The following MAST4 variants were observed in gnomAD, a reference collection of about 807,000 sequenced individuals.
MAST4 encodes microtubule associated serine/threonine kinase family member 4.
A neutral mutation model predicts 162.7 loss-of-function variants in MAST4; 89 were observed. The ratio of observed to expected loss-of-function variants is 0.55; its 90% CI spans 0.46 to 0.65. MAST4 has a LOEUF of 0.65. MAST4 is among the 30% of genes least tolerant of loss of function. The pLI is 0.00. For synonymous variants in MAST4, 1,479 were observed against 1,361.1 expected (o/e 1.09, Z -1.91); for missense variants, 3,153 against 3,374.0 (o/e 0.93, Z 1.62).
chr5:66,750,504 G>A (rs1227657344), intron 1 of MAST4, among the ~76,000 whole-genome samples: 1 of 152,228 alleles, frequency 6.6e-6, no homozygotes, highest in African/African-American at 2.4e-5. Flanking sequence ...GGGTCAGGGA[G>A]TTCCCTTTCT....
rs1029660453 is a variant in MAST4 at position 66,837,773 on chromosome 5, T to A, written c.642+48979T>A. ...CTCCCAGATCATCAAACCTACAACTTCTCAATATCCAAATGTAAGGTTTGA... is the reference window on the plus strand; with the variant it reads ...CTCCCAGATCATCAAACCTACAACTACTCAATATCCAAATGTAAGGTTTGA... On this transcript the variant is annotated intron_variant, in intron 3 of 28. Transcript: ENST00000403625. 4.0e-5 allele frequency among the ~76,000 whole-genome samples: 6 copies of A among 150,436 alleles called. No individual in the cohort carries two copies. The East Asian group carries it at 1.2e-3, about 29-fold the overall frequency.
chr5:67,038,705 A>G (rs755833098), intron 4 of MAST4, among the ~76,000 whole-genome samples: 1 of 152,204 alleles, frequency 6.6e-6, no homozygotes, highest in East Asian at 1.9e-4. Flanking sequence ...ACACATTTAG[A>G]TACAAAAATA....
intron 26 of MAST4, among the ~76,000 whole-genome samples, chr5:67,158,959 G>A (rs1772869800): frequency 6.6e-6 from 1 of 152,162 alleles, no homozygotes; most frequent in African/African-American, 2.4e-5. Context: ...ACTTGAACCT[G>A]GGAGGTAGAG....
intron 4 of MAST4, among the ~76,000 whole-genome samples, chr5:67,013,882 G>A (rs534616021): frequency 6.6e-6 from 1 of 152,172 alleles, no homozygotes; most frequent in Non-Finnish European, 1.5e-5. Flanking sequence ...CTTTGTTACT[G>A]TAAAACAATA....
intron 3 of MAST4, among the ~76,000 whole-genome samples, chr5:66,845,218 A>G (rs995234135): frequency 2.1e-5 from 3 of 145,506 alleles, no homozygotes; most frequent in Non-Finnish European, 3.0e-5. Flanking sequence ...TGCTGCACCC[A>G]TTAACTCGTC....
intron 3 of MAST4, among the ~76,000 whole-genome samples, chr5:66,834,655 G>T (rs1757836879): frequency 1.3e-5 from 2 of 152,278 alleles, no homozygotes; most frequent in South Asian, 2.1e-4. Flanking sequence ...CATCACTGGG[G>T]CCTGAACAGT....
intron 4 of MAST4, among the ~76,000 whole-genome samples, chr5:66,971,218 G>T (rs537534565): frequency 9.7e-4 from 148 of 152,278 alleles, no homozygotes; most frequent in Non-Finnish European, 1.7e-3. Flanking sequence ...GGTATAAGGA[G>T]CATGTTTTGA....
chr5:66,626,853 A>G (rs1744463512), intron 1 of MAST4, among the ~76,000 whole-genome samples: 1 of 152,158 alleles, frequency 6.6e-6, no homozygotes, highest in African/African-American at 2.4e-5. Context: ...AGGGACACCT[A>G]AGCGAGGGAT....
At chr5:66,628,574 A>G (rs995106790) in intron 1 of MAST4, among the ~76,000 whole-genome samples, 1 of 152,008 alleles carries the variant, frequency 6.6e-6, no homozygotes, top group African/African-American at 2.4e-5. Flanking sequence ...GCAAAGGAAA[A>G]ATTATTATTA....
At chr5:66,963,665 A>C (rs1349104489) in intron 4 of MAST4, 1 of 778,968 alleles carries the variant, frequency 1.3e-6, no homozygotes, top group Non-Finnish European at 2.4e-6. Flanking sequence ...TTTTTACTGC[A>C]ATCAATTCTC....
chr5:66,623,206 A>G (rs1744189631), intron 1 of MAST4: 1 of 152,244 alleles, frequency 6.6e-6, no homozygotes, highest in Admixed American at 6.5e-5. Context: ...TGGCCTTATA[A>G]GAACCATGGT....
At chr5:67,023,827 T>G (rs1385055438) in intron 4 of MAST4, among the ~76,000 whole-genome samples, 2 of 145,564 alleles carry the variant, frequency 1.4e-5, no homozygotes, top group African/African-American at 5.6e-5. Flanking sequence ...AGTACTCAGG[T>G]TTTTTTTTAA....
At chr5:66,639,278 T>TTGTGTGTGTGTGTGTGTGTGTGTGTG (rs70987132) in intron 1 of MAST4, among the ~76,000 whole-genome samples, 2 of 138,622 alleles carry the variant, frequency 1.4e-5, no homozygotes, top group African/African-American at 5.5e-5. Flanking sequence ...GAGAGGCAGC[T>TTGTGTGTGTGTGTGTGTGTGTGTGTG]TGTGTGTGTG....
At chr5:66,600,559 T>C (rs1314279059) in intron 1 of MAST4, among the ~76,000 whole-genome samples, 1 of 152,220 alleles carries the variant, frequency 6.6e-6, no homozygotes, top group Non-Finnish European at 1.5e-5. Flanking sequence ...TCAGTAAATA[T>C]ATGTTGAATG....
intron 5 of MAST4, among the ~76,000 whole-genome samples, chr5:67,086,705 A>G (rs750362997): frequency 2.6e-5 from 4 of 152,216 alleles, no homozygotes; most frequent in Non-Finnish European, 5.9e-5. Context: ...ATTAACTGGC[A>G]CCAGTTTTCA....
chr5:67,084,594 T>C (rs1763039577), intron 5 of MAST4, among the ~76,000 whole-genome samples: 1 of 152,206 alleles, frequency 6.6e-6, no homozygotes, highest in Non-Finnish European at 1.5e-5. Context: ...TTTGTGTATC[T>C]AGATATATAA....
At chr5:66,812,103 G>C (rs1756507305) in intron 3 of MAST4, among the ~76,000 whole-genome samples, 1 of 152,286 alleles carries the variant, frequency 6.6e-6, no homozygotes, top group South Asian at 2.1e-4. Context: ...GCGCGGGCTA[G>C]TTGGATAATG....
intron 1 of MAST4, among the ~76,000 whole-genome samples, chr5:66,648,595 C>T (rs989045043): frequency 1.1e-4 from 16 of 151,862 alleles, no homozygotes; most frequent in Admixed American, 1.3e-4. Context: ...AAGAAAATGG[C>T]CTTATTAATT....
chr5:66,917,566 G>T (rs1764195793), intron 4 of MAST4, among the ~76,000 whole-genome samples: 1 of 147,076 alleles, frequency 6.8e-6, no homozygotes. Context: ...TTAAAATTTT[G>T]TACACGAGAT....
Sources: allele counts gnomAD v4.1 joint callset (sites outside exome capture counted in the v4.1 genomes callset), GRCh38; gene constraint gnomAD v4.1.1; transcripts MANE v1.5; gene names NCBI Gene and HGNC (gene_info 2026-07-23, HGNC 2026-07-21).